The following ARHGAP17 variants were observed in gnomAD, a reference collection of about 807,000 sequenced individuals.
The protein encoded by ARHGAP17 is Rho GTPase activating protein 17, also known as rho GTPase-activating protein 17.
A neutral mutation model predicts 99.5 loss-of-function variants in ARHGAP17; 57 were observed. The ratio of observed to expected loss-of-function variants is 0.57; its 90% CI spans 0.46 to 0.71. The LOEUF (loss-of-function observed/expected upper bound fraction) is 0.71. Among genes scored for constraint, ARHGAP17 ranks in the 30% least tolerant of loss-of-function variants. The probability of loss-of-function intolerance (pLI) is 0.00; values close to 1 mark genes in which losing one functional copy is unlikely to be tolerated. For synonymous variants in ARHGAP17, 417 were observed against 429.6 expected (o/e 0.97, Z 0.36); for missense variants, 1,000 against 1,122.4 (o/e 0.89, Z 1.56).
At chr16:24,938,742 A>C (rs183416863) in intron 17 of ARHGAP17, among the ~76,000 whole-genome samples, 1 of 151,098 alleles carries the variant, frequency 6.6e-6, no homozygotes, top group African/African-American at 2.4e-5. Flanking sequence ...ACTGCACTCC[A>C]GCCTGGGCAA....
rs368368177 is a variant in ARHGAP17 at position 24,930,874 on chromosome 16, C to T, written c.2425G>A (p.Val809Met). Residue 809 changes from valine to methionine, a missense_variant, in exon 19 of 20, where the codon GTG becomes ATG. Coordinates refer to ENST00000289968, the MANE Select transcript of ARHGAP17 (RefSeq NM_001006634.3). ...PVPKPRNRPS[V>M]PPPPQPPGVH... Reference sequence around the variant, plus strand: ...CCAGGAGGTTGGGGGGGTGGGGGCACGCTGGGCCGGTTCCTTGGCTTTGGT... The same window carrying T: ...CCAGGAGGTTGGGGGGGTGGGGGCATGCTGGGCCGGTTCCTTGGCTTTGGT... 1.7e-5 allele frequency: 28 copies of T among 1,613,462 alleles called. No individual in the cohort carries two copies. Among genetic ancestry groups the T allele is most frequent in the East Asian group, 4.5e-5 (2 of 44,878 alleles).
chr16:24,941,925 C>T (rs2051323261), intron 16 of ARHGAP17, 62 bp downstream of exon 16: 1 of 1,609,808 alleles, frequency 6.2e-7, no homozygotes, highest in East Asian at 2.2e-5. Flanking sequence ...TGAGCGATAC[C>T]AGATACCACG....
chr16:24,938,733 C>T (rs2152455827), intron 17 of ARHGAP17, among the ~76,000 whole-genome samples: 1 of 148,802 alleles, frequency 6.7e-6, no homozygotes, highest in Admixed American at 6.8e-5. Flanking sequence ...GATTATGCCA[C>T]TGCACTCCAG....
At chr16:24,930,649 C>T (rs751520374) in intron 19 of ARHGAP17, 135 bp downstream of exon 19, 2 of 1,461,798 alleles carry the variant, frequency 1.4e-6, no homozygotes, top group Non-Finnish European at 1.9e-6. Context: ...CAAAAACTGG[C>T]TGCAGGACAG....
At chr16:24,950,854 A>G (rs934019723) in intron 12 of ARHGAP17, among the ~76,000 whole-genome samples, 51 of 143,858 alleles carry the variant, frequency 3.5e-4, no homozygotes, top group Non-Finnish European at 5.4e-4. Context: ...AAAAAAAAAA[A>G]AAAAGAAAAA....
chr16:24,920,487 T>A (rs2050693211), intron 19 of ARHGAP17: 1 of 491,480 alleles, frequency 2.0e-6, no homozygotes, highest in South Asian at 2.3e-5. Flanking sequence ...CGTTGCTTGC[T>A]ATGAGCCCGG....
chr16:25,011,466 A>T (rs2053640350), intron 1 of ARHGAP17, among the ~76,000 whole-genome samples: 2 of 152,196 alleles, frequency 1.3e-5, no homozygotes. Context: ...GCACTTTGGG[A>T]GGCCAAGGTG....
Position 24,935,504 on chromosome 16 carries a change from A to T in ARHGAP17, c.1860T>A (p.Asn620Lys). ...GTGTATGCGGGCTGGGCCCTGCAGC[A>T]TTGTGAGGTTGGCCCATGGAGAGCT... ...SHQLSMGQPH[N>K]AAGPSPHTLR... The change falls in exon 18 of 20, where the codon AAT becomes AAA. Residue 620 changes from asparagine (N) to lysine (K), a missense_variant. By Grantham distance (94) the Asn-to-Lys change is moderately conservative (BLOSUM62 0). Coordinates refer to ENST00000289968, the MANE Select transcript of ARHGAP17 (RefSeq NM_001006634.3). The T allele has an allele frequency of 6.2e-7, 1 of 1,611,682 alleles. No homozygotes were observed. Among genetic ancestry groups the T allele is most frequent in the East Asian group, 2.2e-5 (1 of 44,832 alleles).
Position 24,959,894 on chromosome 16 carries a change from C to T in ARHGAP17, c.642+17G>A, listed in dbSNP as rs1759058286. 6.2e-7 allele frequency: 1 copy of T among 1,612,366 alleles called. No homozygotes were observed. The highest frequency in any genetic ancestry group is 8.5e-7 in the Non-Finnish European group (1 of 1,179,208). ...TTTTAACAATGCTTTAACATTTTCT[C>T]AAGGGAAGGTGCTTACCGTAACAAA... On this transcript the variant is annotated intron_variant, in intron 8 of 19. Transcript: ENST00000289968.
chr16:24,974,197 G>A (rs893783903), intron 3 of ARHGAP17, among the ~76,000 whole-genome samples: 5 of 152,236 alleles, frequency 3.3e-5, no homozygotes, highest in East Asian at 1.9e-4. Flanking sequence ...TCGGGAGGCC[G>A]AGGAGGGAGG....
intron 7 of ARHGAP17, among the ~76,000 whole-genome samples, chr16:24,962,203 C>T (rs991767641): frequency 2.6e-5 from 4 of 151,834 alleles, no homozygotes; most frequent in African/African-American, 4.8e-5. Context: ...AAGAAAAAGT[C>T]GGAATGCTAA....
intron 12 of ARHGAP17, among the ~76,000 whole-genome samples, chr16:24,949,688 T>G (rs1295418627): frequency 6.6e-6 from 1 of 152,188 alleles, no homozygotes; most frequent in Non-Finnish European, 1.5e-5. Flanking sequence ...TCTCTGGATG[T>G]GCAAAACAGG....
intron 6 of ARHGAP17, among the ~76,000 whole-genome samples, chr16:24,966,943 A>G (rs959413871): frequency 6.6e-6 from 1 of 152,180 alleles, no homozygotes; most frequent in Non-Finnish European, 1.5e-5. Flanking sequence ...ACTAACCTCT[A>G]CCCTGTTCCC....
At chr16:24,970,054 TAA>T (rs200930789) in intron 4 of ARHGAP17, among the ~76,000 whole-genome samples, 130 of 143,190 alleles carry the variant, frequency 9.1e-4, no homozygotes, top group South Asian at 1.4e-3. Flanking sequence ...ATGACAATTG[TAA>T]AAAAAAAAAA....
intron 7 of ARHGAP17, among the ~76,000 whole-genome samples, 190 bp from the exon 8 acceptor site, chr16:24,960,169 T>G (rs1363109526): frequency 6.6e-6 from 1 of 152,178 alleles, no homozygotes; most frequent in East Asian, 1.9e-4. Context: ...CAAAGAAAGA[T>G]CTCCAAGATA....
At chr16:24,974,296 T>G (rs1205329592) in intron 3 of ARHGAP17, among the ~76,000 whole-genome samples, 1 of 152,174 alleles carries the variant, frequency 6.6e-6, no homozygotes, top group African/African-American at 2.4e-5. Flanking sequence ...CCAGGCTTGG[T>G]GGCGTGCACC....
At chr16:24,961,503 T>TAA (rs1275146164) in intron 7 of ARHGAP17, among the ~76,000 whole-genome samples, 3 of 99,592 alleles carry the variant, frequency 3.0e-5, no homozygotes, top group African/African-American at 1.2e-4. Context: ...AGTCTCTAAG[T>TAA]AAAAAAAAAA....
rs1267896020 is a variant in ARHGAP17, at chr16:25,015,300, G to A, written c.-39C>T. 1.5e-6 allele frequency: 2 copies of A among 1,303,904 alleles called. No individual in the cohort carries two copies. Among genetic ancestry groups the A allele is most frequent in the South Asian group, 2.3e-5 (1 of 43,736 alleles). The allele number at this position is 1,303,904 out of a possible 1,614,324, so 80.8% of individuals were successfully genotyped here. ...GCGGCGGCCCGCGGGGCTCGGGCCG[G>A]GCAGGGCGGGGGACAGCCTGGCAGC... On this transcript the variant is annotated 5_prime_UTR_variant, in exon 1 of 20. Transcript: ENST00000289968.
At chr16:24,940,627 G>A (rs1336716402) in intron 16 of ARHGAP17, among the ~76,000 whole-genome samples, 2 of 152,152 alleles carry the variant, frequency 1.3e-5, no homozygotes, top group Non-Finnish European at 2.9e-5. Context: ...CCTGAGCCCA[G>A]GAGGTCAAGG....
Sources: gnomAD v4.1 joint callset for allele counts (sites outside exome capture counted in the v4.1 genomes callset) on GRCh38, gnomAD v4.1.1 for gene constraint, MANE v1.5 for transcripts, NCBI Gene and HGNC (gene_info 2026-07-23, HGNC 2026-07-21) for gene names.